CCN6: variants seen among roughly 807,000 people sequenced by gnomAD.
CCN6 encodes CCN family member 6.
CCN6 carries 31 observed loss-of-function variants against 37.4 expected under a neutral mutation model. The observed-to-expected ratio is 0.83, with a 90% CI of 0.62 to 1.12. CCN6 has a LOEUF of 1.12. Ranked by LOEUF, CCN6 falls within the 50% of genes most tolerant of loss-of-function variation. The probability of loss-of-function intolerance (pLI) is 0.00; values close to 1 mark genes in which losing one functional copy is unlikely to be tolerated. For synonymous variants in CCN6, 137 were observed against 142.1 expected (o/e 0.96, Z 0.26); for missense variants, 369 against 413.8 (o/e 0.89, Z 0.94).
chr6:112,058,374 T>G (rs17073257), intron 1 of CCN6, among the ~76,000 whole-genome samples: 3,535 of 152,306 alleles, frequency 0.023, 151 homozygotes, highest in African/African-American at 0.082. Context: ...TTAGATCTAG[T>G]AATCAATTCA....
chr6:112,066,227 T>G (rs17073270), intron 3 of CCN6, among the ~76,000 whole-genome samples: 2,242 of 152,332 alleles, frequency 0.015, 60 homozygotes, highest in African/African-American at 0.052. Flanking sequence ...ATGACACTGT[T>G]AATGCTCTGA....
rs121908899 is a variant in CCN6, at chr6:112,064,842, G to A, written c.434G>A (p.Cys145Tyr). The A allele has an allele frequency of 1.9e-6, 3 of 1,614,002 alleles. No individual in the cohort carries two copies. The highest frequency in any genetic ancestry group is 2.5e-6 in the Non-Finnish European group (3 of 1,179,980). ...FQPNPLFSCL[C>Y]VSGAIGCTPL... is the part of the protein sequence containing the mutation. ...CCCAACCCCTTGTTCAGCTGCCTCT[G>A]TGTGAGTGGGGCCATTGGATGCACA... Residue 145 changes from cysteine (C) to tyrosine (Y), a missense_variant, in exon 3 of 5, where the codon TGT becomes TAT. Cys to Tyr is a radical substitution (Grantham distance 194). Coordinates refer to ENST00000368666, the MANE Select transcript of CCN6 (RefSeq NM_198239.2).
Position 112,054,133 on chromosome 6 carries a change from A to G in CCN6, c.-225A>G. On this transcript the variant is annotated 5_prime_UTR_variant, in exon 1 of 5. Transcript: ENST00000368666. ...CTGACCTGTGACACGCTCACTGCGA[A>G]GGCAGGTTATTAGAAGAGTCCCATG... is the stretch of plus-strand genomic sequence containing the variant. 1 of 728,588 alleles carries G rather than the reference A, an allele frequency of 1.4e-6. No individual in the cohort carries two copies. The highest frequency in any genetic ancestry group is 1.9e-5 in the Admixed American group (1 of 51,532). The allele number at this position is 728,588 out of a possible 1,614,324, so 45.1% of individuals were successfully genotyped here.
At chr6:112,062,292 A>C (rs1431569866) in intron 2 of CCN6, among the ~76,000 whole-genome samples, 4 of 152,230 alleles carry the variant, frequency 2.6e-5, no homozygotes, top group Non-Finnish European at 5.9e-5. Context: ...GTAGGATCCC[A>C]AAAATGTTAT....
chr6:112,055,850 A>T (rs1776333244), intron 1 of CCN6, among the ~76,000 whole-genome samples: 1 of 152,168 alleles, frequency 6.6e-6, no homozygotes, highest in African/African-American at 2.4e-5. Context: ...TCGGCCTCCC[A>T]AAGTGTTGGG....
At chr6:112,068,506 A>C in intron 4 of CCN6, 108 bp downstream of exon 4, 6 of 1,036,060 alleles carry the variant, frequency 5.8e-6, no homozygotes, top group Non-Finnish European at 8.3e-6. Flanking sequence ...GAAAAATAAA[A>C]GCATCTCATT....
intron 3 of CCN6, among the ~76,000 whole-genome samples, chr6:112,065,384 C>A (rs1343333156): frequency 6.6e-6 from 1 of 151,998 alleles, no homozygotes; most frequent in Non-Finnish European, 1.5e-5. Context: ...TTCACTTCCC[C>A]AAATTTTAAA....
chr6:112,065,685 A>ACCCC (rs1776676656), intron 3 of CCN6, among the ~76,000 whole-genome samples: 1 of 151,878 alleles, frequency 6.6e-6, no homozygotes, highest in Non-Finnish European at 1.5e-5. Context: ...TAAGTAGGTT[A>ACCCC]CCCATGTATC....
At chr6:112,064,286 C>T (rs1554313424) in intron 2 of CCN6, among the ~76,000 whole-genome samples, 2 of 152,182 alleles carry the variant, frequency 1.3e-5, no homozygotes, top group African/African-American at 4.8e-5. Context: ...GTCAAGAATA[C>T]CCATCAGAGG....
chr6:112,056,919 C>T (rs782339614), intron 1 of CCN6, among the ~76,000 whole-genome samples: 6 of 152,114 alleles, frequency 3.9e-5, no homozygotes, highest in South Asian at 2.1e-4. Flanking sequence ...CCTCCTCCTC[C>T]GTCTTTTGAT....
intron 2 of CCN6, 91 bp from the exon 3 acceptor site, chr6:112,064,664 G>A (rs932053642): frequency 1.5e-5 from 23 of 1,584,544 alleles, no homozygotes; most frequent in Non-Finnish European, 1.9e-5. Context: ...TCATACAGGA[G>A]ATGATCCGTT....
chr6:112,068,072 T>C (rs1399272153), intron 3 of CCN6, 133 bp from the exon 4 acceptor site: 1 of 746,736 alleles, frequency 1.3e-6, no homozygotes, highest in Admixed American at 3.5e-5. Flanking sequence ...AATTAGACCA[T>C]CGGCTTCTTT....
rs782703789 is a variant in CCN6, at chr6:112,061,073, G to A, written c.131G>A (p.Arg44His). Residue 44 changes from arginine (R) to histidine (H), a missense_variant, in exon 2 of 5, where the codon CGT becomes CAT. Transcript: ENST00000368666. ...RPGEVSDAPQ[R>H]KQFCHWPCKC... Reference sequence around the variant, plus strand: ...GGAGAAGTGTCAGATGCACCTCAGCGTAAACAGTTTTGTCACTGGCCCTGC... The same window carrying A: ...GGAGAAGTGTCAGATGCACCTCAGCATAAACAGTTTTGTCACTGGCCCTGC... The A allele has an allele frequency of 1.2e-4, 197 of 1,614,050 alleles. 1 individual carries two copies. In the Admixed American group the frequency reaches 2.7e-3, roughly 22 times the overall value.
At position 112,064,993 on chromosome 6, in the gene CCN6, GC is replaced by G. The variant is rs782293823; in HGVS notation, c.587del (p.Pro196GlnfsTer36). On this transcript the variant is annotated frameshift_variant, in exon 3 of 5. Coordinates refer to ENST00000368666, the MANE Select transcript of CCN6 (RefSeq NM_198239.2). LOFTEE classifies it high-confidence loss of function. The part of the protein sequence containing the change: ...QQLSTSYKTM[P>X]AYRNLPLIWK... ...AGCTTTCAACAAGCTACAAAACAAT[GC>G]CAGGTGCTCAGAAGTAGAGCTATTT... The G allele has an allele frequency of 7.4e-6, 12 of 1,613,934 alleles. No homozygotes were observed. The highest frequency in any genetic ancestry group is 1.0e-5 in the Non-Finnish European group (12 of 1,179,902).
At chr6:112,064,632 C>T in intron 2 of CCN6, 123 bp from the exon 3 acceptor site, 2 of 1,494,310 alleles carry the variant, frequency 1.3e-6, no homozygotes, top group Non-Finnish European at 1.8e-6. Flanking sequence ...CAAATGGAAC[C>T]TAAGAGGTTG....
intron 1 of CCN6, 200 bp downstream of exon 1, chr6:112,054,605 A>C: frequency 1.6e-6 from 1 of 607,572 alleles, no homozygotes. Context: ...AGAAATGTAA[A>C]ACATTTCTCC....
At position 112,060,224 on chromosome 6, in the gene CCN6, A is replaced by G. The variant is rs191999902; in HGVS notation, c.49-767A>G. On this transcript the variant is annotated intron_variant, in intron 1 of 4. Transcript: ENST00000368666. ...TCCATATGAGCAAAGAGTGATATGA[A>G]CTGGCTTATTTTTAAAGAATCATTC... is the stretch of plus-strand genomic sequence containing the variant. The G allele has an allele frequency of 1.0e-3, 1,175 of 1,168,178 alleles. 15 individuals are homozygous for G. The African/African-American group carries it at 0.017, about 17-fold the overall frequency. 72.4% of individuals were successfully genotyped at this position (1,168,178 alleles called of 1,614,324 possible).
At chr6:112,059,960 G>A in intron 1 of CCN6, 3 of 1,346,992 alleles carry the variant, frequency 2.2e-6, no homozygotes, top group Admixed American at 4.2e-5. Flanking sequence ...TGGTCAAAGA[G>A]GGCCTCACTG....
chr6:112,068,484 G>A (rs1776768321), intron 4 of CCN6, 86 bp downstream of exon 4: 1 of 1,219,864 alleles, frequency 8.2e-7, no homozygotes, highest in Non-Finnish European at 1.1e-6. Flanking sequence ...GTGGGATGGT[G>A]TTTAGTTCTT....
Sources: gnomAD v4.1 joint callset for allele counts (sites outside exome capture counted in the v4.1 genomes callset) on GRCh38, gnomAD v4.1.1 for gene constraint, MANE v1.5 for transcripts, NCBI Gene and HGNC (gene_info 2026-07-23, HGNC 2026-07-21) for gene names.